Variants in ANO5 observed in about 807,000 individuals in gnomAD.
The protein encoded by ANO5 is anoctamin 5.
In ANO5, 109 loss-of-function variants were observed where a neutral mutation model predicts 121.0. The observed-to-expected ratio is 0.90, with a 90% CI of 0.77 to 1.06. ANO5 has a LOEUF of 1.06. Among genes scored for constraint, ANO5 ranks in the 50% least tolerant of loss-of-function variants. The probability of loss-of-function intolerance (pLI) is 0.00; values close to 1 mark genes in which losing one functional copy is unlikely to be tolerated. For synonymous variants in ANO5, 406 were observed against 359.9 expected (o/e 1.13, Z -1.45); for missense variants, 1,064 against 1,078.5 (o/e 0.99, Z 0.19).
At chr11:22,273,914 T>C (rs1564952143) in intron 19 of ANO5, among the ~76,000 whole-genome samples, 1 of 152,022 alleles carries the variant, frequency 6.6e-6, no homozygotes, top group African/African-American at 2.4e-5. Context: ...GAATGTACCA[T>C]TAGCCATAGA....
chr11:22,201,601 T>G (rs1477489858), intron 1 of ANO5, among the ~76,000 whole-genome samples: 1 of 152,132 alleles, frequency 6.6e-6, no homozygotes, highest in East Asian at 1.9e-4. Context: ...GTTTATTTGG[T>G]CCATGTTCTG....
chr11:22,210,151 C>T (rs191563481), intron 2 of ANO5, among the ~76,000 whole-genome samples: 142 of 152,042 alleles, frequency 9.3e-4, no homozygotes, highest in African/African-American at 3.4e-3. Context: ...CCTGTATTTA[C>T]TCACAGATTC....
intron 17 of ANO5, among the ~76,000 whole-genome samples, chr11:22,269,136 G>A (rs191557296): frequency 0.011 from 1,528 of 142,040 alleles, 72 homozygotes; most frequent in African/African-American, 0.041. Flanking sequence ...GAAAGGAAAG[G>A]AAGGGAGAAA....
intron 21 of ANO5, 63 bp downstream of exon 21, chr11:22,276,262 G>A: frequency 2.3e-6 from 3 of 1,315,100 alleles, no homozygotes; most frequent in South Asian, 1.2e-5. Flanking sequence ...TATTTCTAAA[G>A]GTAACCTCTC....
intron 12 of ANO5, among the ~76,000 whole-genome samples, chr11:22,252,064 G>T (rs1853843386): frequency 7.9e-6 from 1 of 126,596 alleles, no homozygotes; most frequent in Non-Finnish European, 1.6e-5. Flanking sequence ...AAAAAACTAG[G>T]CAAGGGCTGC....
At chr11:22,273,305 A>G (rs1240086832) in intron 19 of ANO5, among the ~76,000 whole-genome samples, 1 of 152,204 alleles carries the variant, frequency 6.6e-6, no homozygotes, top group Non-Finnish European at 1.5e-5. Context: ...ATATTTGTAT[A>G]CTACAGAGAA....
chr11:22,270,306 C>T lies in ANO5; in HGVS notation c.1899-6C>T. The T allele has an allele frequency of 6.2e-7, 1 of 1,613,994 alleles. No homozygotes were observed. Among genetic ancestry groups the T allele is most frequent in the Non-Finnish European group, 8.5e-7 (1 of 1,179,966 alleles). On this transcript the variant is annotated splice_polypyrimidine_tract_variant and splice_region_variant and intron_variant, in intron 17 of 21. Transcript: ENST00000324559. ...TTCATATATTAACTTTTATCACTTCCAACAGCTTGGCTTTGAATTGGTGGA... is the reference window on the plus strand; with the variant it reads ...TTCATATATTAACTTTTATCACTTCTAACAGCTTGGCTTTGAATTGGTGGA...
rs867650799 is a variant in ANO5, at chr11:22,280,070, A to T, written c.*305A>T. 25 of 338,970 alleles carry T rather than the reference A, an allele frequency of 7.4e-5. No homozygotes were observed. Among genetic ancestry groups the T allele is most frequent in the Middle Eastern group, 1.8e-3 (2 of 1,084 alleles). The allele number at this position is 338,970 out of a possible 1,614,324, so 21.0% of individuals were successfully genotyped here. A position where few individuals can be genotyped will look rare whatever the true frequency, so the allele number is the denominator to read the frequency against. Reference sequence around the variant, plus strand: ...AAATTATGGAGTCTTGCAGTTTAGTAAGAAACACTGGCCTTGGGCTGTCCC... The same window carrying T: ...AAATTATGGAGTCTTGCAGTTTAGTTAGAAACACTGGCCTTGGGCTGTCCC... On this transcript the variant is annotated 3_prime_UTR_variant, in exon 22 of 22. Transcript: ENST00000324559.
At chr11:22,238,519 C>T (rs147445733) in intron 8 of ANO5, among the ~76,000 whole-genome samples, 2,262 of 151,996 alleles carry the variant, frequency 0.015, 28 homozygotes, top group Middle Eastern at 0.092. Flanking sequence ...TTCTTTACTT[C>T]TGAATGCAGT....
intron 4 of ANO5, among the ~76,000 whole-genome samples, chr11:22,220,422 A>G (rs1852602304): frequency 6.6e-6 from 1 of 152,002 alleles, no homozygotes; most frequent in East Asian, 1.9e-4. Flanking sequence ...TGAACTAACT[A>G]CACAACACGT....
chr11:22,239,692 T>TC lies in ANO5; in HGVS notation c.878+9dup. 1 of 1,566,280 alleles carries TC rather than the reference T, an allele frequency of 6.4e-7. No individual in the cohort carries two copies. Among genetic ancestry groups the TC allele is most frequent in the Non-Finnish European group, 8.8e-7 (1 of 1,136,862 alleles). On this transcript the variant is annotated intron_variant, in intron 9 of 21. Transcript: ENST00000324559. Reference sequence around the variant, plus strand: ...GCCTTTAGACTTGATTAAGTAAGTTTCATACACAGGATCAGACCAATTAAA... The same window carrying TC: ...GCCTTTAGACTTGATTAAGTAAGTTTCCATACACAGGATCAGACCAATTAAA...
At chr11:22,250,463 A>G in intron 10 of ANO5, 92 bp downstream of exon 10, 3 of 1,537,164 alleles carry the variant, frequency 2.0e-6, no homozygotes, top group Non-Finnish European at 2.7e-6. Flanking sequence ...TTTCCTTCAG[A>G]ATGTTTCCTT....
chr11:22,262,016 G>A (rs1854202666), intron 15 of ANO5, 113 bp from the exon 16 acceptor site: 2 of 971,660 alleles, frequency 2.1e-6, no homozygotes, highest in Non-Finnish European at 3.2e-6. Context: ...AGAATGGGGA[G>A]CATTCTATAG....
intron 14 of ANO5, among the ~76,000 whole-genome samples, chr11:22,259,132 C>CA (rs11317243): frequency 1.5e-3 from 173 of 112,422 alleles, no homozygotes; most frequent in Middle Eastern, 4.4e-3. Context: ...GACTCTGTCT[C>CA]AAAAAAAAAA....
At chr11:22,211,122 A>T (rs1852262688) in intron 2 of ANO5, 142 bp from the exon 3 acceptor site, 12 of 896,294 alleles carry the variant, frequency 1.3e-5, no homozygotes, top group Middle Eastern at 2.3e-4. Flanking sequence ...ATATATGCCC[A>T]CAGTTTTGCA....
chr11:22,236,103 GAA>G, intron 7 of ANO5, 58 bp from the exon 8 acceptor site: 1 of 1,105,808 alleles, frequency 9.0e-7, no homozygotes, highest in Non-Finnish European at 1.4e-6. Context: ...GTGATTGAAA[GAA>G]ATGTGGAAAG....
intron 3 of ANO5, 21 bp downstream of exon 3, chr11:22,211,335 T>C (rs1309727982): frequency 6.2e-7 from 1 of 1,609,548 alleles, no homozygotes; most frequent in Non-Finnish European, 8.5e-7. Flanking sequence ...ACCAGTACTA[T>C]CCTTTCTTGC....
chr11:22,282,516 C>T lies in ANO5; in HGVS notation c.*2751C>T, dbSNP rs1050464935. 3 of 151,998 alleles carry T rather than the reference C, an allele frequency of 2.0e-5. No individual in the cohort carries two copies. Among genetic ancestry groups the T allele is most frequent in the Admixed American group, 6.6e-5 (1 of 15,262 alleles). The allele number at this position is 151,998 out of a possible 1,614,324, so 9.4% of individuals were successfully genotyped here. A position where few individuals can be genotyped will look rare whatever the true frequency, so the allele number is the denominator to read the frequency against. On this transcript the variant is annotated 3_prime_UTR_variant, in exon 22 of 22. Coordinates refer to ENST00000324559, the MANE Select transcript of ANO5 (RefSeq NM_213599.3). ...AGGAAAGGAGGACAGATGAAAGTGA[C>T]GGGAAATGAGAAAGAAGAGGAGTGA...
chr11:22,267,309 T>C (rs1186240358), intron 17 of ANO5, among the ~76,000 whole-genome samples: 2 of 151,792 alleles, frequency 1.3e-5, no homozygotes, highest in African/African-American at 2.4e-5. Context: ...TGATATGAGA[T>C]ACAAGTCTGT....
Sources: gnomAD v4.1 joint callset for allele counts (sites outside exome capture counted in the v4.1 genomes callset) on GRCh38, gnomAD v4.1.1 for gene constraint, MANE v1.5 for transcripts, NCBI Gene and HGNC (gene_info 2026-07-23, HGNC 2026-07-21) for gene names.